The following SERGEF variants were observed in gnomAD, a reference collection of about 807,000 sequenced individuals.
SERGEF encodes secretion regulating guanine nucleotide exchange factor, also known as secretion-regulating guanine nucleotide exchange factor.
In SERGEF, 51 loss-of-function variants were observed where a neutral mutation model predicts 50.0. The ratio of observed to expected loss-of-function variants is 1.02; its 90% CI spans 0.81 to 1.29. The LOEUF (loss-of-function observed/expected upper bound fraction) is 1.29. Ranked by LOEUF, SERGEF falls within the 50% of genes most tolerant of loss-of-function variation. SERGEF has a pLI of 0.00. For synonymous variants in SERGEF, 205 were observed against 212.4 expected (o/e 0.97, Z 0.30); for missense variants, 521 against 557.0 (o/e 0.94, Z 0.65).
chr11:17,917,130 A>C (rs1222784863), intron 9 of SERGEF, among the ~76,000 whole-genome samples: 1 of 152,266 alleles, frequency 6.6e-6, no homozygotes, highest in Non-Finnish European at 1.5e-5. Context: ...TGTTTATAGC[A>C]GTACAATTTG....
chr11:17,801,858 C>T (rs560717883), intron 10 of SERGEF, among the ~76,000 whole-genome samples: 8 of 152,244 alleles, frequency 5.3e-5, no homozygotes, highest in African/African-American at 1.9e-4. Flanking sequence ...GTGCCTTCAT[C>T]ACTCTAAATT....
At chr11:17,893,320 T>C (rs1851566476) in intron 9 of SERGEF, among the ~76,000 whole-genome samples, 1 of 152,234 alleles carries the variant, frequency 6.6e-6, no homozygotes, top group Admixed American at 6.5e-5. Context: ...AAGCCTGTAC[T>C]TTTTGAACCT....
chr11:17,819,967 A>C (rs896846003), intron 10 of SERGEF, among the ~76,000 whole-genome samples: 2 of 152,066 alleles, frequency 1.3e-5, no homozygotes, highest in Non-Finnish European at 2.9e-5. Flanking sequence ...CCTCCAGGGG[A>C]GCTGGGACTA....
intron 9 of SERGEF, among the ~76,000 whole-genome samples, chr11:17,913,788 C>A (rs770717566): frequency 7.2e-5 from 11 of 152,116 alleles, no homozygotes; most frequent in African/African-American, 1.2e-4. Flanking sequence ...CCTCACACAG[C>A]CTGGTTGTAC....
intron 10 of SERGEF, among the ~76,000 whole-genome samples, chr11:17,832,693 G>T (rs1370807370): frequency 6.6e-6 from 1 of 152,172 alleles, no homozygotes; most frequent in Non-Finnish European, 1.5e-5. Context: ...TAATGATATG[G>T]ACATGAAATC....
chr11:17,872,779 G>A (rs1851166077), intron 10 of SERGEF, among the ~76,000 whole-genome samples: 1 of 152,094 alleles, frequency 6.6e-6, no homozygotes, highest in African/African-American at 2.4e-5. Context: ...AGATACATAG[G>A]AACTTTGGAA....
At chr11:17,922,933 T>C (rs1590199705) in intron 9 of SERGEF, among the ~76,000 whole-genome samples, 1 of 152,222 alleles carries the variant, frequency 6.6e-6, no homozygotes, top group South Asian at 2.1e-4. Context: ...AGATTAAAAC[T>C]GCCATCCTAG....
intron 10 of SERGEF, among the ~76,000 whole-genome samples, chr11:17,818,777 C>T (rs1218745384): frequency 6.6e-6 from 1 of 152,206 alleles, no homozygotes; most frequent in East Asian, 1.9e-4. Context: ...ATCTTAAACT[C>T]TATAGCATGG....
chr11:17,878,595 G>T (rs954914855), intron 9 of SERGEF, among the ~76,000 whole-genome samples: 1 of 152,134 alleles, frequency 6.6e-6, no homozygotes, highest in Non-Finnish European at 1.5e-5. Context: ...AGGCAATAAA[G>T]ATAACAGTTT....
At chr11:17,909,858 G>A (rs1291128962) in intron 9 of SERGEF, among the ~76,000 whole-genome samples, 1 of 152,204 alleles carries the variant, frequency 6.6e-6, no homozygotes. Flanking sequence ...GAGGCAAGGG[G>A]CTGCAGCTGG....
At chr11:17,989,445 T>C (rs1223222870) in intron 7 of SERGEF, among the ~76,000 whole-genome samples, 4 of 152,280 alleles carry the variant, frequency 2.6e-5, no homozygotes, top group Middle Eastern at 3.4e-3. Flanking sequence ...CAGCTGAAAA[T>C]TGGAAGGGAA....
intron 8 of SERGEF, among the ~76,000 whole-genome samples, chr11:17,972,567 GGTATAGTATACA>G (rs1166439282): frequency 6.6e-6 from 1 of 152,148 alleles, no homozygotes; most frequent in Non-Finnish European, 1.5e-5. Flanking sequence ...GCATTTAATA[GGTATAGTATACA>G]GTATAGTATA....
chr11:17,841,342 G>C (rs1465067236), intron 10 of SERGEF, among the ~76,000 whole-genome samples: 1 of 152,194 alleles, frequency 6.6e-6, no homozygotes, highest in Non-Finnish European at 1.5e-5. Context: ...TTAGCTTAGC[G>C]AATGGCAGGG....
rs1851481043 is a variant in SERGEF at position 17,888,763 on chromosome 11, T to C, written c.1012-10519A>G. ...TTTACTTGGTGCACAGACCCTGGCTTTTAAATACCATTCAACTAAGAGGGA... is the reference window on the plus strand; with the variant it reads ...TTTACTTGGTGCACAGACCCTGGCTCTTAAATACCATTCAACTAAGAGGGA... On this transcript the variant is annotated intron_variant, in intron 9 of 10. Transcript: ENST00000265965. This position sits in a 1 kb window ranked among gnomAD's most constrained non-coding sequence, Gnocchi z 4.1. Among the ~76,000 whole-genome samples the C allele has an allele frequency of 6.6e-6, 1 of 152,068 alleles. No homozygotes were observed. The highest frequency in any genetic ancestry group is 1.5e-5 in the Non-Finnish European group (1 of 68,010).
intron 1 of SERGEF, among the ~76,000 whole-genome samples, chr11:18,009,517 G>A (rs1001102161): frequency 3.3e-5 from 5 of 152,114 alleles, no homozygotes; most frequent in African/African-American, 1.2e-4. Context: ...ACCCATGATG[G>A]GAAAACCAAC....
At chr11:17,996,800 A>G (rs1853846139) in intron 5 of SERGEF, among the ~76,000 whole-genome samples, 1 of 152,212 alleles carries the variant, frequency 6.6e-6, no homozygotes, top group South Asian at 2.1e-4. Context: ...TCTCTTCAAC[A>G]AATTGACTTC....
chr11:17,832,330 A>T (rs1219788417), intron 10 of SERGEF, among the ~76,000 whole-genome samples: 1 of 152,236 alleles, frequency 6.6e-6, no homozygotes, highest in East Asian at 1.9e-4. Context: ...TTTTGCCTGC[A>T]ACCATGCACA....
intron 5 of SERGEF, among the ~76,000 whole-genome samples, chr11:17,997,153 C>T (rs527943135): frequency 1.1e-4 from 17 of 152,272 alleles, no homozygotes; most frequent in Admixed American, 3.3e-4. Context: ...GCCAAGATCA[C>T]GCCACTGCAC....
At chr11:17,930,103 C>A (rs182575148) in intron 9 of SERGEF, among the ~76,000 whole-genome samples, 1 of 152,328 alleles carries the variant, frequency 6.6e-6, no homozygotes, top group East Asian at 1.9e-4. Context: ...AGCTGTACCA[C>A]TCATTAGCTA....
Sources: allele counts gnomAD v4.1 joint callset (sites outside exome capture counted in the v4.1 genomes callset), GRCh38; gene constraint gnomAD v4.1.1; non-coding constraint Gnocchi (gnomAD v3.1); transcripts MANE v1.5; gene names NCBI Gene and HGNC (gene_info 2026-07-23, HGNC 2026-07-21).